KCNJ6: variants seen among roughly 807,000 people sequenced by gnomAD.
KCNJ6 encodes G protein-activated inward rectifier potassium channel 2.
Under a neutral mutation model 34.2 loss-of-function variants are expected in KCNJ6, and 9 were observed. That is an observed-to-expected ratio of 0.26 (90% CI 0.16 to 0.46). The LOEUF is 0.46. Ranked by LOEUF, KCNJ6 falls within the 20% of genes least tolerant of loss-of-function variation. The probability of loss-of-function intolerance (pLI) is 1.00; values close to 1 mark genes in which losing one functional copy is unlikely to be tolerated. For missense variants in KCNJ6, 236 were observed against 531.3 expected (o/e 0.44, Z 5.46); for synonymous variants, 196 against 207.1 (o/e 0.95, Z 0.46).
At chr21:37,801,426 G>A (rs906059539) in intron 2 of KCNJ6, among the ~76,000 whole-genome samples, 21 of 152,142 alleles carry the variant, frequency 1.4e-4, no homozygotes, top group African/African-American at 5.1e-4. Flanking sequence ...TGCCTCTCTG[G>A]TGACCCCAGC....
At chr21:37,761,302 G>A (rs1379296227) in intron 2 of KCNJ6, among the ~76,000 whole-genome samples, 2 of 76,386 alleles carry the variant, frequency 2.6e-5, no homozygotes, top group East Asian at 8.0e-4. Flanking sequence ...AGTGGTGTCT[G>A]TGTATGTGCT....
intron 1 of KCNJ6, among the ~76,000 whole-genome samples, chr21:37,865,683 A>C (rs561818075): frequency 8.5e-5 from 13 of 152,360 alleles, no homozygotes; most frequent in African/African-American, 2.9e-4. Flanking sequence ...TGATGCTTTC[A>C]TAAATGATAA....
At chr21:37,912,801 A>G (rs2055873084) in intron 1 of KCNJ6, among the ~76,000 whole-genome samples, 1 of 152,256 alleles carries the variant, frequency 6.6e-6, no homozygotes, top group African/African-American at 2.4e-5. Flanking sequence ...CACTGCTTTA[A>G]CCACATCCTG....
Position 37,675,454 on chromosome 21 carries a change from T to TG in KCNJ6, c.946+38756dup, listed in dbSNP as rs35065944. Among the ~76,000 whole-genome samples the TG allele has an allele frequency of 1, 152,350 of 152,350 alleles. 76,175 individuals carry two copies. Among genetic ancestry groups the TG allele is most frequent in the Non-Finnish European group, 1 (68,040 of 68,040 alleles). Reference sequence around the variant, plus strand: ...CTGCAGGTACGGTGCGGGTTTCTGGTGCGCTGACCGCGCTGGGGATGAGCA... The same window carrying TG: ...CTGCAGGTACGGTGCGGGTTTCTGGTGGCGCTGACCGCGCTGGGGATGAGCA... On this transcript the variant is annotated intron_variant, in intron 3 of 3. Transcript: ENST00000609713. This position sits in a 1 kb window ranked among gnomAD's most constrained non-coding sequence, Gnocchi z 4.2.
chr21:37,828,728 C>T (rs898789729), intron 2 of KCNJ6, among the ~76,000 whole-genome samples: 4 of 152,172 alleles, frequency 2.6e-5, no homozygotes, highest in African/African-American at 9.7e-5. Flanking sequence ...TTCTGCTGCT[C>T]CCTCTGACCA....
chr21:37,655,227 GAGAGAGAGA>G (rs2054456573), intron 3 of KCNJ6, among the ~76,000 whole-genome samples: 4 of 1,670 alleles, frequency 2.4e-3, no homozygotes, highest in African/African-American at 0.013. Context: ...GTGTGTGTGA[GAGAGAGAGA>G]GAGAGAGAGA....
At chr21:37,711,897 G>A (rs1374058988) in intron 3 of KCNJ6, among the ~76,000 whole-genome samples, 1 of 151,844 alleles carries the variant, frequency 6.6e-6, no homozygotes, top group Non-Finnish European at 1.5e-5. Context: ...GATTGATTTT[G>A]CTGGTAATTA....
intron 2 of KCNJ6, among the ~76,000 whole-genome samples, chr21:37,827,388 T>TA (rs896230109): frequency 6.6e-6 from 1 of 152,214 alleles, no homozygotes; most frequent in Non-Finnish European, 1.5e-5. Context: ...GGTGCAGTGT[T>TA]ACTTGTCAGA....
At chr21:37,817,624 G>T (rs75684750) in intron 2 of KCNJ6, among the ~76,000 whole-genome samples, 1,771 of 152,228 alleles carry the variant, frequency 0.012, 36 homozygotes, top group African/African-American at 0.041. Context: ...GTATTCTCAG[G>T]TTCACCTTAG....
At chr21:37,872,508 A>G (rs1289428372) in intron 1 of KCNJ6, among the ~76,000 whole-genome samples, 6 of 152,156 alleles carry the variant, frequency 3.9e-5, no homozygotes, top group Non-Finnish European at 8.8e-5. Flanking sequence ...TAGGTGACTG[A>G]TGATCATGGC....
chr21:37,636,463 A>T (rs1230682171), intron 3 of KCNJ6, among the ~76,000 whole-genome samples: 1 of 152,250 alleles, frequency 6.6e-6, no homozygotes, highest in Non-Finnish European at 1.5e-5. Flanking sequence ...TTCTCCACTG[A>T]GAGCTTCTCT....
At chr21:37,643,686 G>T (rs944378717) in intron 3 of KCNJ6, among the ~76,000 whole-genome samples, 4 of 152,108 alleles carry the variant, frequency 2.6e-5, no homozygotes, top group Non-Finnish European at 5.9e-5. Context: ...GCAAACTATT[G>T]GTCTCCCACA....
chr21:37,625,583 G>T, intron 3 of KCNJ6, 99 bp from the exon 4 acceptor site: 2 of 784,724 alleles, frequency 2.5e-6, no homozygotes, highest in South Asian at 3.5e-5. Context: ...TGCAGCTGTT[G>T]AGACTGACCT....
At chr21:37,859,506 T>A (rs1282443705) in intron 1 of KCNJ6, among the ~76,000 whole-genome samples, 2 of 47,838 alleles carry the variant, frequency 4.2e-5, no homozygotes, top group African/African-American at 1.1e-4. Flanking sequence ...TATATATATA[T>A]ATATATATAT....
At chr21:37,809,914 A>G (rs1321149461) in intron 2 of KCNJ6, among the ~76,000 whole-genome samples, 1 of 152,242 alleles carries the variant, frequency 6.6e-6, no homozygotes, top group Non-Finnish European at 1.5e-5. Flanking sequence ...AAGTGGCAGA[A>G]GCCTGAATTT....
intron 1 of KCNJ6, among the ~76,000 whole-genome samples, chr21:37,874,133 G>A (rs1188533210): frequency 6.6e-6 from 1 of 152,140 alleles, no homozygotes; most frequent in Non-Finnish European, 1.5e-5. Context: ...CCTGGAAGCT[G>A]CTCCTGTCTG....
At chr21:37,656,565 C>T (rs942991934) in intron 3 of KCNJ6, among the ~76,000 whole-genome samples, 1 of 152,224 alleles carries the variant, frequency 6.6e-6, no homozygotes, top group African/African-American at 2.4e-5. Context: ...CTCTCCCAGC[C>T]TCCCCATGGC....
intron 3 of KCNJ6, among the ~76,000 whole-genome samples, chr21:37,696,653 C>G (rs1037312317): frequency 6.6e-6 from 1 of 152,088 alleles, no homozygotes; most frequent in Non-Finnish European, 1.5e-5. Context: ...TGAATCAAGT[C>G]TGCAGATGCT....
chr21:37,680,585 C>T (rs940952913), intron 3 of KCNJ6, among the ~76,000 whole-genome samples: 1 of 152,192 alleles, frequency 6.6e-6, no homozygotes, highest in African/African-American at 2.4e-5. Context: ...TGCCCTTATT[C>T]AATCTGCTGA....
Sources: gnomAD v4.1 joint callset for allele counts (sites outside exome capture counted in the v4.1 genomes callset) on GRCh38, gnomAD v4.1.1 for gene constraint, Gnocchi (gnomAD v3.1) non-coding constraint, MANE v1.5 for transcripts, NCBI Gene and HGNC (gene_info 2026-07-23, HGNC 2026-07-21) for gene names.